UBE2F: variants seen among roughly 807,000 people sequenced by gnomAD.
The protein encoded by UBE2F is ubiquitin conjugating enzyme E2 F (putative).
Under a neutral mutation model 29.6 loss-of-function variants are expected in UBE2F, and 5 were observed. That is an observed-to-expected ratio of 0.17 (90% CI 0.09 to 0.36). The LOEUF (loss-of-function observed/expected upper bound fraction) is 0.36. UBE2F is among the 10% of genes least tolerant of loss of function. UBE2F has a pLI of 1.00. For synonymous variants in UBE2F, 66 were observed against 81.8 expected, an observed-to-expected ratio of 0.81 and a Z score of 1.04; for missense variants, 141 against 228.5, an observed-to-expected ratio of 0.62 and a Z score of 2.47.
rs140229069 is a variant in UBE2F, at chr2:238,041,375, C to A, written c.*37C>A. The A allele has an allele frequency of 8.7e-4, 1,399 of 1,599,962 alleles. 10 individuals are homozygous for A. In the African/African-American group the frequency reaches 0.015, roughly 18 times the overall value. ...GATTGCAGGCCCATGGACTGTGTTACAGTTTGTCTCTAACATGAAACAGCA... is the reference window on the plus strand; with the variant it reads ...GATTGCAGGCCCATGGACTGTGTTAAAGTTTGTCTCTAACATGAAACAGCA... On this transcript the variant is annotated 3_prime_UTR_variant, in exon 10 of 10. Coordinates refer to ENST00000272930, the MANE Select transcript of UBE2F (RefSeq NM_080678.3).
At chr2:237,994,108 TC>T (rs529673817) in intron 3 of UBE2F, among the ~76,000 whole-genome samples, 2,070 of 108,220 alleles carry the variant, frequency 0.019, 49 homozygotes, top group African/African-American at 0.065. Context: ...TTCTTCTTCT[TC>T]TTTTTTTTTT....
intron 3 of UBE2F, chr2:237,990,594 TA>T (rs1328865753): frequency 5.5e-6 from 1 of 181,082 alleles, no homozygotes; most frequent in East Asian, 1.7e-4. Context: ...AAATTATTAT[TA>T]TTTTTTATAC....
At chr2:238,015,955 A>G (rs1490444051) in intron 4 of UBE2F, among the ~76,000 whole-genome samples, 1 of 152,064 alleles carries the variant, frequency 6.6e-6, no homozygotes, top group East Asian at 1.9e-4. Flanking sequence ...TGTGGATGGC[A>G]ATGTGGTGAT....
chr2:237,991,903 T>C (rs989458428), intron 3 of UBE2F, among the ~76,000 whole-genome samples: 1 of 151,908 alleles, frequency 6.6e-6, no homozygotes, highest in African/African-American at 2.4e-5. Flanking sequence ...TCACGTTCTT[T>C]CACCCAGGCT....
chr2:238,026,443 T>C (rs1350319797), intron 6 of UBE2F, among the ~76,000 whole-genome samples: 2 of 151,302 alleles, frequency 1.3e-5, no homozygotes, highest in Non-Finnish European at 2.9e-5. Context: ...TCCCTTTCTC[T>C]TTTTTTTTGA....
At chr2:238,030,932 A>T (rs2064561036) in intron 7 of UBE2F, among the ~76,000 whole-genome samples, 1 of 152,242 alleles carries the variant, frequency 6.6e-6, no homozygotes, top group African/African-American at 2.4e-5. Flanking sequence ...TTCAACAGGG[A>T]TGTCTTGAGC....
intron 1 of UBE2F, among the ~76,000 whole-genome samples, chr2:237,971,765 A>G (rs2063181222): frequency 7.7e-6 from 1 of 129,682 alleles, no homozygotes; most frequent in East Asian, 2.4e-4. Flanking sequence ...TAGTGGGATC[A>G]TAATGTAAGC....
chr2:237,994,198 T>G (rs939568631), intron 3 of UBE2F, among the ~76,000 whole-genome samples: 1 of 149,440 alleles, frequency 6.7e-6, no homozygotes, highest in Non-Finnish European at 1.5e-5. Context: ...GCAACCTCCA[T>G]CTCCTGGGTT....
In UBE2F at chr2:237,967,214, C is replaced by T; in HGVS notation, c.-17+82C>T. ...GCTGGCCTGCGGGCCGGGCGGAGGG[C>T]GCGGGCGGTGGCGGGGCCGCCTCGG... On this transcript the variant is annotated intron_variant, in intron 1 of 9. Transcript: ENST00000272930. The surrounding 1 kb of genome is among the most constrained non-coding windows in gnomAD (Gnocchi z 6.3). 1.0e-6 allele frequency: 1 copy of T among 962,514 alleles called. No homozygotes were observed. Among genetic ancestry groups the T allele is most frequent in the Middle Eastern group, 5.0e-4 (1 of 2,010 alleles). 59.6% of individuals were successfully genotyped at this position (962,514 alleles called of 1,614,324 possible).
chr2:237,994,669 G>C, intron 3 of UBE2F, 75 bp from the exon 4 acceptor site: 1 of 1,197,892 alleles, frequency 8.3e-7, no homozygotes, highest in Non-Finnish European at 1.2e-6. Flanking sequence ...AACTTTACAC[G>C]TGTTCAAAGG....
At chr2:238,032,290 AT>A in intron 8 of UBE2F, 36 bp downstream of exon 8, 1 of 1,569,154 alleles carries the variant, frequency 6.4e-7, no homozygotes, top group East Asian at 2.2e-5. Context: ...GTTATTCTCA[AT>A]TTCCTTGTTG....
chr2:237,997,176 G>A (rs1024500563), intron 4 of UBE2F, among the ~76,000 whole-genome samples: 3 of 152,098 alleles, frequency 2.0e-5, no homozygotes, highest in Non-Finnish European at 4.4e-5. Flanking sequence ...GCAGTGAGCT[G>A]AGATTGGCCC....
intron 4 of UBE2F, among the ~76,000 whole-genome samples, chr2:238,001,122 C>CGG (rs2063784864): frequency 6.6e-6 from 1 of 151,052 alleles, no homozygotes; most frequent in Admixed American, 6.6e-5. Flanking sequence ...GCAACCTCCG[C>CGG]TTCCTGGTTC....
At chr2:237,981,786 C>T (rs559730139) in intron 2 of UBE2F, among the ~76,000 whole-genome samples, 1 of 152,076 alleles carries the variant, frequency 6.6e-6, no homozygotes, top group Admixed American at 6.5e-5. Flanking sequence ...GCCACCATGC[C>T]TGGCTAATTT....
At position 237,984,089 on chromosome 2, in the gene UBE2F, A is replaced by G. The variant is rs1355504142; in HGVS notation, c.119-3874A>G. 5.4e-5 allele frequency among the ~76,000 whole-genome samples: 7 copies of G among 129,288 alleles called. No individual in the cohort carries two copies. In the East Asian group the frequency reaches 1.1e-3, roughly 21 times the overall value. 84.8% of individuals were successfully genotyped at this position (129,288 alleles called of 152,430 possible). On this transcript the variant is annotated intron_variant, in intron 2 of 9. Transcript: ENST00000272930. ...CTCCTCCTCTTCCTACCCCTCCCCT[A>G]CTCCTCCTCTTTGTCTCTCGTGGCT... is the stretch of plus-strand genomic sequence containing the variant.
intron 4 of UBE2F, among the ~76,000 whole-genome samples, chr2:237,996,473 C>T (rs531659922): frequency 0.023 from 2,522 of 107,462 alleles, 73 homozygotes; most frequent in African/African-American, 0.13. Flanking sequence ...GCCTCCCCTC[C>T]GCGTTTTTTT....
chr2:237,988,483 C>CTG (rs1310955599), intron 3 of UBE2F, among the ~76,000 whole-genome samples: 3 of 151,544 alleles, frequency 2.0e-5, no homozygotes, highest in Non-Finnish European at 1.5e-5. Context: ...GGGCCTGGTG[C>CTG]TGCATCACTG....
chr2:238,033,536 G>C (rs1223670187), intron 8 of UBE2F, among the ~76,000 whole-genome samples: 1 of 152,180 alleles, frequency 6.6e-6, no homozygotes, highest in Non-Finnish European at 1.5e-5. Flanking sequence ...TACAGCAGAG[G>C]CACCTGCAGG....
Position 238,041,371 on chromosome 2 carries a change from G to A in UBE2F, c.*33G>A, listed in dbSNP as rs370397919. On this transcript the variant is annotated 3_prime_UTR_variant, in exon 10 of 10. Coordinates refer to ENST00000272930, the MANE Select transcript of UBE2F (RefSeq NM_080678.3). ...GGACGATTGCAGGCCCATGGACTGT[G>A]TTACAGTTTGTCTCTAACATGAAAC... 6.2e-7 allele frequency: 1 copy of A among 1,611,664 alleles called. No individual in the cohort carries two copies. Among genetic ancestry groups the A allele is most frequent in the Admixed American group, 1.7e-5 (1 of 59,992 alleles).
Sources: allele counts gnomAD v4.1 joint callset (sites outside exome capture counted in the v4.1 genomes callset), GRCh38; gene constraint gnomAD v4.1.1; non-coding constraint Gnocchi (gnomAD v3.1); transcripts MANE v1.5; gene names NCBI Gene and HGNC (gene_info 2026-07-23, HGNC 2026-07-21).